The following REPS2 variants were observed in gnomAD, a reference collection of about 807,000 sequenced individuals.
REPS2 encodes the protein ralBP1-associated Eps domain-containing protein 2.
REPS2 carries 23 observed loss-of-function variants against 53.6 expected under a neutral mutation model. That is an observed-to-expected ratio of 0.43 (90% CI 0.31 to 0.61). REPS2 has a LOEUF of 0.61. Ranked by LOEUF, REPS2 falls within the 20% of genes least tolerant of loss-of-function variation. The pLI is 0.11. For missense variants in REPS2, 446 were observed against 534.9 expected (o/e 0.83, Z 1.64); for synonymous variants, 238 against 218.6 (o/e 1.09, Z -0.78).
At position 16,961,445 on chromosome X, in the gene REPS2, C is replaced by T. The variant is rs931305496; in HGVS notation, c.273+14311C>T. On this transcript the variant is annotated intron_variant, in intron 1 of 17. Coordinates refer to ENST00000357277, the MANE Select transcript of REPS2 (RefSeq NM_004726.3). The stretch of plus-strand genomic sequence containing the variant: ...AAGAATGAAGCTGGATGCTTATATA[C>T]AAAAATCAACTCAAAATGTGTCTTT... Among the ~76,000 whole-genome samples, 22 of 111,869 alleles carry T rather than the reference C, an allele frequency of 2.0e-4. 1 individual carries two copies. In the East Asian group the frequency reaches 5.6e-3, roughly 28 times the overall value.
the REPS2 span, among the ~76,000 whole-genome samples, chrX:17,192,198 GTGTGTGCGTGCACGCATGAGCGTGCA>G: frequency 8.9e-6 from 1 of 112,627 alleles, no homozygotes; most frequent in African/African-American, 3.2e-5. Context: ...GTGTGCGTGT[GTGTGTGCGTGCACGCATGAGCGTGCA>G]TGTGTGTTTT....
At chrX:17,161,279 A>G in the REPS2 span, among the ~76,000 whole-genome samples, 1 of 112,050 alleles carries the variant, frequency 8.9e-6, no homozygotes, top group Non-Finnish European at 1.9e-5. Context: ...GATTTCACAC[A>G]TGCAATTAAG....
the REPS2 span, among the ~76,000 whole-genome samples, chrX:17,164,400 G>T: frequency 8.9e-6 from 1 of 111,934 alleles, no homozygotes. Flanking sequence ...GACAGAAAAA[G>T]ATATATCATG....
In REPS2 at chrX:16,975,740, A is replaced by G. The variant is rs1287859840; in HGVS notation, c.273+28606A>G. Among the ~76,000 whole-genome samples, 3 of 112,054 alleles carry G rather than the reference A, an allele frequency of 2.7e-5. No individual in the cohort carries two copies. The East Asian group carries it at 8.3e-4, about 31-fold the overall frequency. Reference sequence around the variant, plus strand: ...TGAAGCCTCTTACAACAGTGTTTAGATTGAAAAATTATGAGTGAAAAGCCT... The same window carrying G: ...TGAAGCCTCTTACAACAGTGTTTAGGTTGAAAAATTATGAGTGAAAAGCCT... On this transcript the variant is annotated intron_variant, in intron 1 of 17. Transcript: ENST00000357277.
At chrX:17,025,027 G>A (rs770127123) in intron 3 of REPS2, 32 bp from the exon 4 acceptor site, 1 of 1,211,761 alleles carries the variant, frequency 8.3e-7, no homozygotes, top group South Asian at 1.8e-5. Context: ...GCTTGAGTGA[G>A]CGCCTCTGAA....
chrX:17,099,153 A>G (rs2062748458), intron 13 of REPS2, among the ~76,000 whole-genome samples: 1 of 111,824 alleles, frequency 8.9e-6, no homozygotes, highest in Non-Finnish European at 1.9e-5. Flanking sequence ...CACAGCTTTT[A>G]AAGTCTCTCA....
chrX:16,959,944 G>T (rs147248003), intron 1 of REPS2, among the ~76,000 whole-genome samples: 1,863 of 111,583 alleles, frequency 0.017, 29 homozygotes, highest in Middle Eastern at 0.023. Flanking sequence ...AATACTAGCA[G>T]ACCAAATTTA....
chrX:16,950,787 G>A (rs374695038), intron 1 of REPS2, among the ~76,000 whole-genome samples: 33 of 112,879 alleles, frequency 2.9e-4, no homozygotes, highest in East Asian at 1.9e-3. Flanking sequence ...TGTGGCGCAC[G>A]CCTGTAGTCC....
intron 13 of REPS2, among the ~76,000 whole-genome samples, chrX:17,080,493 G>A (rs1387674516): frequency 2.7e-5 from 3 of 111,260 alleles, no homozygotes; most frequent in Admixed American, 9.5e-5. Flanking sequence ...TTTCATGTCC[G>A]TATCTTTGTT....
At chrX:17,144,119 A>G (rs2063481713) in intron 17 of REPS2, among the ~76,000 whole-genome samples, 1 of 112,660 alleles carries the variant, frequency 8.9e-6, no homozygotes, top group African/African-American at 3.2e-5. Flanking sequence ...TGGAGTGTCC[A>G]GAGTGGAGAC....
chrX:17,180,021 A>G, the REPS2 span, among the ~76,000 whole-genome samples: 1 of 111,770 alleles, frequency 8.9e-6, no homozygotes, highest in Non-Finnish European at 1.9e-5. Flanking sequence ...ATGAACAGCA[A>G]TTAACTCCCT....
At chrX:17,003,702 C>A (rs1295131325) in intron 1 of REPS2, among the ~76,000 whole-genome samples, 1 of 112,073 alleles carries the variant, frequency 8.9e-6, no homozygotes, top group Admixed American at 9.5e-5. Context: ...ATTTTCAAAT[C>A]TTTCTAAGGA....
At chrX:17,004,234 A>G (rs1050362452) in intron 1 of REPS2, among the ~76,000 whole-genome samples, 29 of 110,923 alleles carry the variant, frequency 2.6e-4, no homozygotes, top group African/African-American at 9.5e-4. Context: ...GATTGTTTGA[A>G]GGATCAATTA....
intron 13 of REPS2, among the ~76,000 whole-genome samples, chrX:17,078,207 A>C (rs1031651723): frequency 8.9e-6 from 1 of 112,428 alleles, no homozygotes; most frequent in African/African-American, 3.2e-5. Context: ...CAAGCTATAA[A>C]TACAATGATT....
At chrX:17,011,764 C>T (rs969330562) in intron 2 of REPS2, among the ~76,000 whole-genome samples, 2 of 110,403 alleles carry the variant, frequency 1.8e-5, no homozygotes, top group East Asian at 5.7e-4. Context: ...AAGTTCGAGA[C>T]CAGCCTGGCC....
Position 17,151,050 on chromosome X carries a change from A to G in REPS2, c.*3569A>G, listed in dbSNP as rs1191095029. The G allele has an allele frequency of 8.9e-6, 1 of 112,470 alleles. No homozygotes were observed. Among genetic ancestry groups the G allele is most frequent in the African/African-American group, 3.2e-5 (1 of 30,884 alleles). The allele number at this position is 112,470 out of a possible 1,213,427, so 9.3% of individuals were successfully genotyped here. Reference sequence around the variant, plus strand: ...AACACCTCACCTTTTATGATGCAATAAGTTACTCTGAGTTTCTTGGCAGAG... The same window carrying G: ...AACACCTCACCTTTTATGATGCAATGAGTTACTCTGAGTTTCTTGGCAGAG... On this transcript the variant is annotated 3_prime_UTR_variant, in exon 18 of 18. Transcript: ENST00000357277.
chrX:17,123,463 T>A (rs1433541394), intron 14 of REPS2, among the ~76,000 whole-genome samples: 1 of 112,843 alleles, frequency 8.9e-6, no homozygotes, highest in Admixed American at 9.3e-5. Context: ...ATGTTGTCCA[T>A]AATCTAATGG....
intron 14 of REPS2, among the ~76,000 whole-genome samples, chrX:17,119,017 C>G (rs1455925114): frequency 8.9e-6 from 1 of 112,697 alleles, no homozygotes; most frequent in African/African-American, 3.2e-5. Flanking sequence ...TTATCAAGCA[C>G]TTCAACAGAG....
chrX:17,081,697 G>A (rs1355492473), intron 13 of REPS2, among the ~76,000 whole-genome samples: 2 of 112,141 alleles, frequency 1.8e-5, no homozygotes, highest in African/African-American at 6.5e-5. Context: ...TTCATAAGGA[G>A]AAGCGGATAC....
Sources: gnomAD v4.1 joint callset for allele counts (sites outside exome capture counted in the v4.1 genomes callset) on GRCh38, gnomAD v4.1.1 for gene constraint, MANE v1.5 for transcripts, NCBI Gene and HGNC (gene_info 2026-07-23, HGNC 2026-07-21) for gene names.